The following USP32 variants were observed in gnomAD, a reference collection of about 807,000 sequenced individuals.
USP32 encodes the protein ubiquitin carboxyl-terminal hydrolase 32.
A neutral mutation model predicts 204.8 loss-of-function variants in USP32; 59 were observed. That is an observed-to-expected ratio of 0.29 (90% CI 0.23 to 0.36). USP32 has a LOEUF of 0.36. Ranked by LOEUF, USP32 falls within the 10% of genes least tolerant of loss-of-function variation. The pLI is 1.00. For missense variants in USP32, 1,160 were observed against 1,946.4 expected (o/e 0.60, Z 7.60); for synonymous variants, 517 against 678.4 (o/e 0.76, Z 3.70).
chr17:60,417,750 C>T (rs2090073298), intron 1 of USP32, among the ~76,000 whole-genome samples: 1 of 151,410 alleles, frequency 6.6e-6, no homozygotes, highest in African/African-American at 2.4e-5. Context: ...GCCATTGTGC[C>T]CAGCCTGATT....
intron 1 of USP32, among the ~76,000 whole-genome samples, chr17:60,405,271 C>T (rs980141130): frequency 2.6e-5 from 4 of 152,114 alleles, no homozygotes; most frequent in Non-Finnish European, 5.9e-5. Context: ...GGCTCAATCT[C>T]GGCTCACCAC....
intron 1 of USP32, among the ~76,000 whole-genome samples, chr17:60,419,600 G>T (rs2090090177): frequency 6.6e-6 from 1 of 151,588 alleles, no homozygotes; most frequent in Admixed American, 6.6e-5. Flanking sequence ...GGGCGTGGTG[G>T]CAGGGGCCTG....
chr17:60,342,457 C>T (rs964816891), intron 2 of USP32, among the ~76,000 whole-genome samples: 2 of 152,190 alleles, frequency 1.3e-5, no homozygotes, highest in East Asian at 1.9e-4. Context: ...CTGCTCTCTT[C>T]GGAGCTGTCA....
Position 60,392,012 on chromosome 17 carries a change from G to A in USP32, c.-73C>T. On this transcript the variant is annotated 5_prime_UTR_variant, in exon 1 of 34. It adds an upstream start codon to the 5' untranslated region. Transcript: ENST00000300896. ...ACCCCCCTCCCGCCTTCTCCTCGGCGTCCCTGGGTGACGGTGACGGTGTCG... is the reference window on the plus strand; with the variant it reads ...ACCCCCCTCCCGCCTTCTCCTCGGCATCCCTGGGTGACGGTGACGGTGTCG... 1 of 1,488,548 alleles carries A rather than the reference G, an allele frequency of 6.7e-7. No homozygotes were observed. Among genetic ancestry groups the A allele is most frequent in the Non-Finnish European group, 9.0e-7 (1 of 1,108,660 alleles). The allele number at this position is 1,488,548 out of a possible 1,614,324, so 92.2% of individuals were successfully genotyped here.
intron 1 of USP32, among the ~76,000 whole-genome samples, chr17:60,379,005 G>A (rs565153122): frequency 1.3e-5 from 2 of 152,190 alleles, no homozygotes; most frequent in East Asian, 3.9e-4. Flanking sequence ...ACATACCTGA[G>A]TTTGTGAAGA....
At chr17:60,232,168 C>CTTTTTTTTTTTTTT (rs58707657) in intron 12 of USP32, among the ~76,000 whole-genome samples, 9 of 109,476 alleles carry the variant, frequency 8.2e-5, no homozygotes, top group Non-Finnish European at 1.5e-4. Context: ...TTTTCTTTTT[C>CTTTTTTTTTTTTTT]TTTTTTTTTT....
rs911547903 is a variant in USP32 at position 60,177,980 on chromosome 17, C to T, written c.*1275G>A. Reference sequence around the variant, plus strand: ...AAAAACTACACGAAAAAAATGCTACCTGAAATAAATAATATTTATACTTTT... The same window carrying T: ...AAAAACTACACGAAAAAAATGCTACTTGAAATAAATAATATTTATACTTTT... On this transcript the variant is annotated 3_prime_UTR_variant, in exon 34 of 34. Transcript: ENST00000300896. Among the ~76,000 whole-genome samples, 5 of 151,878 alleles carry T rather than the reference C, an allele frequency of 3.3e-5. No homozygotes were observed. The highest frequency in any genetic ancestry group is 1.2e-4 in the African/African-American group (5 of 41,322).
intron 5 of USP32, among the ~76,000 whole-genome samples, chr17:60,274,469 C>T (rs969309644): frequency 6.6e-6 from 1 of 151,962 alleles, no homozygotes; most frequent in African/African-American, 2.4e-5. Context: ...AAACTCAAAA[C>T]CCTAACAAGG....
At chr17:60,224,379 AC>A (rs2085330843) in intron 13 of USP32, among the ~76,000 whole-genome samples, 1 of 152,230 alleles carries the variant, frequency 6.6e-6, no homozygotes, top group Admixed American at 6.5e-5. Context: ...TCTTTGTAAT[AC>A]CAGAAAGGGA....
intron 4 of USP32, 87 bp from the exon 5 acceptor site, chr17:60,288,769 T>C (rs760294265): frequency 4.5e-5 from 50 of 1,108,252 alleles, no homozygotes; most frequent in Non-Finnish European, 6.2e-5. Context: ...TGCAATTAGT[T>C]GGCAATTACC....
intron 1 of USP32, among the ~76,000 whole-genome samples, chr17:60,356,952 A>G (rs945116831): frequency 6.6e-6 from 1 of 152,242 alleles, no homozygotes; most frequent in Admixed American, 6.5e-5. Context: ...CAAATGGAGA[A>G]TATCAATAGT....
intron 2 of USP32, among the ~76,000 whole-genome samples, chr17:60,335,011 G>C (rs543168255): frequency 7.0e-6 from 1 of 142,740 alleles, no homozygotes; most frequent in Non-Finnish European, 1.5e-5. Flanking sequence ...TTAAGAGACA[G>C]GGTCTCTATT....
At chr17:60,413,692 C>T (rs2090036195) in intron 1 of USP32, among the ~76,000 whole-genome samples, 1 of 151,588 alleles carries the variant, frequency 6.6e-6, no homozygotes, top group African/African-American at 2.4e-5. Context: ...TAGTGAAACC[C>T]TGTCTCTACT....
In USP32 at chr17:60,214,246, C is replaced by A. The variant is rs185477367; in HGVS notation, c.2022+374G>T. Among the ~76,000 whole-genome samples the A allele has an allele frequency of 2.7e-3, 414 of 152,278 alleles. 2 individuals carry two copies. Among genetic ancestry groups the A allele is most frequent in the African/African-American group, 8.4e-3 (351 of 41,548 alleles). The stretch of plus-strand genomic sequence containing the variant: ...CGTGAGCCACTGTGCTCGGCCACAC[C>A]ATTAGTTTATAATGTAACATATAAT... On this transcript the variant is annotated intron_variant, in intron 17 of 33. Transcript: ENST00000300896.
At chr17:60,315,385 C>T (rs942697285) in intron 2 of USP32, among the ~76,000 whole-genome samples, 5 of 151,760 alleles carry the variant, frequency 3.3e-5, no homozygotes, top group East Asian at 1.9e-4. Context: ...CCAGCCTGGG[C>T]GACAGAGTGA....
chr17:60,399,999 C>G (rs11868689), intron 1 of USP32, among the ~76,000 whole-genome samples: 1 of 152,048 alleles, frequency 6.6e-6, no homozygotes, highest in African/African-American at 2.4e-5. Context: ...GAGTCTTGCT[C>G]TGTTGTTGAC....
chr17:60,417,829 G>T (rs897698566), intron 1 of USP32, among the ~76,000 whole-genome samples: 1 of 151,286 alleles, frequency 6.6e-6, no homozygotes, highest in African/African-American at 2.4e-5. Flanking sequence ...TTGCTGTGTC[G>T]CCCAGGCTGG....
At chr17:60,204,166 G>A (rs982436771) in intron 26 of USP32, among the ~76,000 whole-genome samples, 2 of 151,858 alleles carry the variant, frequency 1.3e-5, no homozygotes, top group African/African-American at 2.4e-5. Flanking sequence ...GAACATTCTT[G>A]TATCCTCTAA....
In USP32 at chr17:60,208,121, C is replaced by G; in HGVS notation, c.2863G>C (p.Asp955His). The change falls in exon 24 of 34, where the codon GAT becomes CAT. Residue 955 changes from aspartate to histidine, a missense_variant. Transcript: ENST00000300896. ...KYTGLKKQLS[D>H]LCGLNSEQIL... ...TGTTCTGAATTAAGTCCACAGAGATCACTCAGCTGTTTTTTTAAACCTGTG... is the reference window on the plus strand; with the variant it reads ...TGTTCTGAATTAAGTCCACAGAGATGACTCAGCTGTTTTTTTAAACCTGTG... 6.2e-7 allele frequency: 1 copy of G among 1,605,124 alleles called. No individual in the cohort carries two copies. The highest frequency in any genetic ancestry group is 2.2e-5 in the East Asian group (1 of 44,642).
Sources: gnomAD v4.1 joint callset for allele counts (sites outside exome capture counted in the v4.1 genomes callset) on GRCh38, gnomAD v4.1.1 for gene constraint, MANE v1.5 for transcripts, NCBI Gene and HGNC (gene_info 2026-07-23, HGNC 2026-07-21) for gene names.